Variants in RNF212 observed in about 807,000 individuals in gnomAD.
RNF212 encodes the protein probable E3 SUMO-protein ligase RNF212.
In RNF212, 33 loss-of-function variants were observed where a neutral mutation model predicts 34.7. The observed-to-expected ratio is 0.95, with a 90% CI of 0.72 to 1.27. The LOEUF (loss-of-function observed/expected upper bound fraction) is 1.27, where lower values mean the gene tolerates loss of function less well. Among genes scored for constraint, RNF212 ranks in the 50% most tolerant of loss-of-function variants. The pLI, the probability that RNF212 is intolerant of heterozygous loss-of-function variation, is 0.00. For synonymous variants in RNF212, 140 were observed against 136.1 expected, an observed-to-expected ratio of 1.03 and a Z score of -0.20; for missense variants, 377 against 362.2, an observed-to-expected ratio of 1.04 and a Z score of -0.33.
At chr4:1,069,945 C>T (rs1718334055), downstream of RNF212, among the ~76,000 whole-genome samples, 1 of 152,224 alleles carries the variant, frequency 6.6e-6, no homozygotes. Flanking sequence ...GATGGTACAG[C>T]TGTGTCAGCG....
At chr4:1,101,489 G>A (rs929620441) in intron 2 of RNF212, 1 of 155,190 alleles carries the variant, frequency 6.4e-6, no homozygotes, top group African/African-American at 2.4e-5. Flanking sequence ...CCTGTTGAAG[G>A]ATTATGACTC....
chr4:1,078,959 A>G (rs1719827065), intron 8 of RNF212, among the ~76,000 whole-genome samples: 4 of 151,372 alleles, frequency 2.6e-5, no homozygotes, highest in African/African-American at 9.7e-5. Flanking sequence ...CCAACACAGG[A>G]CCAACATAGG....
chr4:1,092,055 C>T (rs994483250), intron 3 of RNF212, among the ~76,000 whole-genome samples: 1 of 152,238 alleles, frequency 6.6e-6, no homozygotes, highest in Non-Finnish European at 1.5e-5. Context: ...GCACACGCCC[C>T]TCAAAGCCAC....
At chr4:1,071,300 A>G (rs186761330), downstream of RNF212, among the ~76,000 whole-genome samples, 254 of 152,174 alleles carry the variant, frequency 1.7e-3, 6 homozygotes, top group South Asian at 0.045. Context: ...TATTCTTACA[A>G]TTTTTTCTGT....
intron 3 of RNF212, among the ~76,000 whole-genome samples, chr4:1,092,989 CCAGGGTCTGCGTGCTCAGTGCT>C (rs2153053516): frequency 6.6e-6 from 1 of 151,756 alleles, no homozygotes; most frequent in South Asian, 2.1e-4. Flanking sequence ...TACGCCAGGA[CCAGGGTCTGCGTGCTCAGTGCT>C]GACGCAGCCT....
chr4:1,088,424 G>C (rs1327161471), intron 4 of RNF212, among the ~76,000 whole-genome samples: 1 of 152,216 alleles, frequency 6.6e-6, no homozygotes, highest in Non-Finnish European at 1.5e-5. Flanking sequence ...TTTTTCTGAA[G>C]CATACAGTCA....
chr4:1,101,869 A>G (rs561837978), intron 2 of RNF212, among the ~76,000 whole-genome samples: 1 of 152,362 alleles, frequency 6.6e-6, no homozygotes, highest in African/African-American at 2.4e-5. Context: ...TGATTCTGAA[A>G]AATTGACTGA....
intron 8 of RNF212, among the ~76,000 whole-genome samples, chr4:1,077,463 G>C (rs538973264): frequency 3.9e-5 from 6 of 152,196 alleles, no homozygotes; most frequent in Non-Finnish European, 2.9e-5. Flanking sequence ...AAACTCCTGG[G>C]CTCAAGTGAT....
At chr4:1,069,440 A>G (rs1718300268), downstream of RNF212, among the ~76,000 whole-genome samples, 1 of 152,220 alleles carries the variant, frequency 6.6e-6, no homozygotes, top group African/African-American at 2.4e-5. Context: ...CTATCTCTCC[A>G]CAAGACACTC....
chr4:1,061,427 G>A lies in RNF212; in HGVS notation n.148-3034C>T, dbSNP rs546882548. 4.4e-3 allele frequency among the ~76,000 whole-genome samples: 669 copies of A among 152,278 alleles called. 3 individuals carry two copies. Among genetic ancestry groups the A allele is most frequent in the Middle Eastern group, 0.01 (3 of 292 alleles). ...GGCAGGGACCAGTCAGAAAAATAAC[G>A]GGGAAATGCTGAGAACAAGAGAGCC... On this transcript the variant is annotated intron_variant and non_coding_transcript_variant, in intron 3 of 4. Transcript: ENST00000503206.
chr4:1,100,490 C>T (rs1024984365), intron 2 of RNF212: 3 of 151,452 alleles, frequency 2.0e-5, no homozygotes, highest in Non-Finnish European at 4.4e-5. Flanking sequence ...TCACCGCAAC[C>T]TCCACTCCCC....
intron 8 of RNF212, among the ~76,000 whole-genome samples, chr4:1,079,389 C>A (rs1719952540): frequency 6.6e-6 from 1 of 152,260 alleles, no homozygotes; most frequent in African/African-American, 2.4e-5. Context: ...CCTGCCAACA[C>A]CTCGTCCGCA....
Position 1,072,876 on chromosome 4 carries a change from A to C in RNF212, c.892T>G (p.Ter298GlyextTer5). The change falls in exon 10 of 10, where the codon TGA (stop) becomes GGA (glycine). Residue 298 changes from the stop codon to glycine (G), a stop_lost. Coordinates refer to ENST00000433731, the MANE Select transcript of RNF212 (RefSeq NM_001131034.4). ...ATTAATAGTCACATAAATGCAAATC[A>C]AAATGACTTTTTCCTTTCAAATTGG... Reference protein sequence around the residue: ...LCQFERKKSF* With the variant: ...LCQFERKKSFG The C allele has an allele frequency of 1.3e-6, 2 of 1,594,524 alleles. No homozygotes were observed. The highest frequency in any genetic ancestry group is 2.3e-5 in the South Asian group (2 of 88,760).
chr4:1,085,371 T>C (rs945833155), intron 5 of RNF212, among the ~76,000 whole-genome samples: 1 of 152,266 alleles, frequency 6.6e-6, no homozygotes, highest in Non-Finnish European at 1.5e-5. Context: ...TTCCAGATAT[T>C]GAAATGTAAT....
At chr4:1,105,494 G>A (rs1724674369) in intron 2 of RNF212, among the ~76,000 whole-genome samples, 1 of 152,264 alleles carries the variant, frequency 6.6e-6, no homozygotes, top group Non-Finnish European at 1.5e-5. Flanking sequence ...CTGCGAAGCA[G>A]AATAATCCAG....
At chr4:1,100,877 C>T (rs970441941) in intron 2 of RNF212, 2 of 160,180 alleles carry the variant, frequency 1.2e-5, no homozygotes, top group South Asian at 1.8e-4. Flanking sequence ...AGAGGGCAGA[C>T]GCTCTCATGT....
At chr4:1,090,646 T>C (rs1722043545) in intron 4 of RNF212, 136 bp downstream of exon 4, 1 of 662,792 alleles carries the variant, frequency 1.5e-6, no homozygotes, top group Admixed American at 2.5e-5. Context: ...AACGTCCCCA[T>C]AGCTGGAAAC....
At chr4:1,096,946 G>A (rs541085802) in intron 2 of RNF212, 107 bp from the exon 3 acceptor site, 13 of 837,434 alleles carry the variant, frequency 1.6e-5, no homozygotes, top group Admixed American at 8.8e-5. Context: ...GATGACTCAA[G>A]TGGCCAGCAC....
intron 4 of RNF212, 59 bp from the exon 5 acceptor site, chr4:1,086,013 C>T: frequency 1.6e-6 from 2 of 1,259,152 alleles, no homozygotes; most frequent in East Asian, 4.6e-5. Context: ...GACATGTGAC[C>T]CTCTAAATTT....
Sources: allele counts gnomAD v4.1 joint callset (sites outside exome capture counted in the v4.1 genomes callset), GRCh38; gene constraint gnomAD v4.1.1; transcripts MANE v1.5; gene names NCBI Gene and HGNC (gene_info 2026-07-23, HGNC 2026-07-21).